ASB5: variants seen among roughly 807,000 people sequenced by gnomAD.
ASB5 encodes ankyrin repeat and SOCS box protein 5.
Under a neutral mutation model 42.1 loss-of-function variants are expected in ASB5, and 45 were observed. That is an observed-to-expected ratio of 1.07 (90% CI 0.84 to 1.37). The LOEUF (loss-of-function observed/expected upper bound fraction) is 1.37. ASB5 is among the 40% of genes most tolerant of loss of function. The pLI is 0.00. For synonymous variants in ASB5, 147 were observed against 150.6 expected (o/e 0.98, Z 0.18); for missense variants, 402 against 399.8 (o/e 1.01, Z -0.05).
At chr4:176,228,529 T>C (rs564727142) in intron 1 of ASB5, among the ~76,000 whole-genome samples, 5 of 152,352 alleles carry the variant, frequency 3.3e-5, no homozygotes, top group African/African-American at 1.2e-4. Flanking sequence ...TTCCATCTAG[T>C]GTTATTTCTT....
chr4:176,245,338 C>T (rs1368776092), intron 1 of ASB5, among the ~76,000 whole-genome samples: 1 of 152,098 alleles, frequency 6.6e-6, no homozygotes, highest in Non-Finnish European at 1.5e-5. Flanking sequence ...AAGTCAAAAC[C>T]ACAATGAGGT....
At chr4:176,257,659 G>C (rs765415823) in intron 1 of ASB5, among the ~76,000 whole-genome samples, 51 of 152,122 alleles carry the variant, frequency 3.4e-4, no homozygotes, top group Non-Finnish European at 6.5e-4. Flanking sequence ...AATAGTTATA[G>C]TTCTCCAATA....
chr4:176,253,579 A>C (rs1579331040), intron 1 of ASB5, among the ~76,000 whole-genome samples: 1 of 152,206 alleles, frequency 6.6e-6, no homozygotes, highest in South Asian at 2.1e-4. Flanking sequence ...AAGGCATCCA[A>C]ATAGAAATCA....
intron 1 of ASB5, among the ~76,000 whole-genome samples, chr4:176,253,817 GCAA>G (rs140112943): frequency 0.027 from 4,160 of 152,156 alleles, 245 homozygotes; most frequent in East Asian, 0.27. Flanking sequence ...TACAATAGCT[GCAA>G]CAACAACAAC....
At chr4:176,229,997 G>C (rs1247815696) in intron 1 of ASB5, among the ~76,000 whole-genome samples, 1 of 152,192 alleles carries the variant, frequency 6.6e-6, no homozygotes, top group African/African-American at 2.4e-5. Context: ...TAGGAAAAAA[G>C]CTGAGGGGCT....
chr4:176,270,472 AAT>A (rs923978801), upstream of ASB5, among the ~76,000 whole-genome samples: 1 of 152,152 alleles, frequency 6.6e-6, no homozygotes, highest in African/African-American at 2.4e-5. Context: ...CTGTAAAATA[AAT>A]ATGTCAAATA....
chr4:176,219,601 T>C (rs79458288), intron 5 of ASB5, among the ~76,000 whole-genome samples: 1 of 83,424 alleles, frequency 1.2e-5, no homozygotes, highest in East Asian at 2.5e-4. Flanking sequence ...TATATATATA[T>C]ATATATATAT....
At chr4:176,241,343 G>A in intron 1 of ASB5, 2 of 800,610 alleles carry the variant, frequency 2.5e-6, no homozygotes, top group Non-Finnish European at 3.7e-6. Flanking sequence ...AAAAGTGTAA[G>A]TTTCCCATCC....
At chr4:176,274,876 C>T (rs1285509067) in intron 2 of ASB5, among the ~76,000 whole-genome samples, 1 of 151,724 alleles carries the variant, frequency 6.6e-6, no homozygotes, top group Non-Finnish European at 1.5e-5. Flanking sequence ...GAAATGATAC[C>T]ACAGTGATCT....
At chr4:176,272,962 T>TTTC (rs397758925), upstream of ASB5, among the ~76,000 whole-genome samples, 3 of 115,998 alleles carry the variant, frequency 2.6e-5, no homozygotes, top group Non-Finnish European at 3.9e-5. Flanking sequence ...TTTTTTTTTT[T>TTTC]CTTGAGACAG....
At chr4:176,245,618 T>C (rs1193703514) in intron 1 of ASB5, among the ~76,000 whole-genome samples, 1 of 152,132 alleles carries the variant, frequency 6.6e-6, no homozygotes, top group Non-Finnish European at 1.5e-5. Context: ...TGTGGCACTA[T>C]TCACAATAGC....
At chr4:176,254,170 C>G (rs985899354) in intron 1 of ASB5, among the ~76,000 whole-genome samples, 4 of 152,108 alleles carry the variant, frequency 2.6e-5, no homozygotes, top group African/African-American at 9.7e-5. Flanking sequence ...AAACTATACT[C>G]TAAGGCTACA....
intron 5 of ASB5, among the ~76,000 whole-genome samples, chr4:176,218,262 A>T (rs1225221404): frequency 2.0e-4 from 15 of 76,864 alleles, no homozygotes; most frequent in South Asian, 6.7e-4. Flanking sequence ...ATATATATAT[A>T]TTTGTATGAT....
At chr4:176,259,043 C>T (rs1269201529) in intron 1 of ASB5, among the ~76,000 whole-genome samples, 1 of 151,854 alleles carries the variant, frequency 6.6e-6, no homozygotes, top group Non-Finnish European at 1.5e-5. Flanking sequence ...GAAAACTTAG[C>T]CCCTATACTA....
chr4:176,235,829 T>C (rs1002029551), intron 1 of ASB5, among the ~76,000 whole-genome samples: 14 of 151,554 alleles, frequency 9.2e-5, no homozygotes, highest in African/African-American at 3.4e-4. Flanking sequence ...CATGGGGGCA[T>C]TTTTTTTATT....
chr4:176,231,659 C>CAAA (rs11362445), intron 1 of ASB5, among the ~76,000 whole-genome samples: 17,108 of 101,616 alleles, frequency 0.17, 1,580 homozygotes, highest in Non-Finnish European at 0.24. Context: ...CTTGTCTCTG[C>CAAA]AAAAAAAAAA....
chr4:176,245,438 C>T (rs7375837), intron 1 of ASB5, among the ~76,000 whole-genome samples: 75,256 of 151,932 alleles, frequency 0.5, 19,136 homozygotes, highest in East Asian at 0.64. Flanking sequence ...AATGCTTTTA[C>T]ACTGTTGGTG....
chr4:176,270,595 C>A (rs1282892271), upstream of ASB5, among the ~76,000 whole-genome samples: 3 of 151,914 alleles, frequency 2.0e-5, no homozygotes, highest in Non-Finnish European at 4.4e-5. Context: ...GAAAATGGCC[C>A]CTGGTATCAT....
chr4:176,216,972 T>G lies in ASB5; in HGVS notation c.708A>C (p.Pro236=). The G allele has an allele frequency of 6.2e-7, 1 of 1,612,568 alleles. No individual in the cohort carries two copies. Among genetic ancestry groups the G allele is most frequent in the Non-Finnish European group, 8.5e-7 (1 of 1,179,566 alleles). Residue 236 remains proline (P), a synonymous_variant, in exon 6 of 7, where the codon CCA becomes CCC. Transcript: ENST00000296525. ...DVQKGKYWDT[P]LHAAAQQSST... ...TGGATTGTTGAGCAGCAGCATGTAA[T>G]GGAGTATCCCAATATTTGCCTTTCT...
Sources: allele counts gnomAD v4.1 joint callset (sites outside exome capture counted in the v4.1 genomes callset), GRCh38; gene constraint gnomAD v4.1.1; transcripts MANE v1.5; gene names NCBI Gene and HGNC (gene_info 2026-07-23, HGNC 2026-07-21).